PIK3AP1: variants seen among roughly 807,000 people sequenced by gnomAD.
PIK3AP1 encodes phosphoinositide-3-kinase adaptor protein 1.
A neutral mutation model predicts 88.1 loss-of-function variants in PIK3AP1; 21 were observed. The ratio of observed to expected loss-of-function variants is 0.24; its 90% confidence interval spans 0.17 to 0.34. PIK3AP1 has a LOEUF of 0.34. Among genes scored for constraint, PIK3AP1 ranks in the 10% least tolerant of loss-of-function variants. The probability of loss-of-function intolerance (pLI) is 1.00; values close to 1 mark genes in which losing one functional copy is unlikely to be tolerated. For synonymous variants in PIK3AP1, 398 were observed against 400.0 expected (o/e 1.00, Z 0.06); for missense variants, 828 against 1,035.7 (o/e 0.80, Z 2.75).
chr10:96,629,828 A>G (rs1843214874), intron 8 of PIK3AP1, among the ~76,000 whole-genome samples: 1 of 148,266 alleles, frequency 6.7e-6, no homozygotes, highest in South Asian at 2.2e-4. Context: ...AAGGAGGTCA[A>G]GGCAGCAATG....
chr10:96,658,690 C>T (rs2134241017), intron 2 of PIK3AP1, among the ~76,000 whole-genome samples: 2 of 152,250 alleles, frequency 1.3e-5, no homozygotes, highest in Admixed American at 1.3e-4. Context: ...GGCAATGAGG[C>T]ATGTACTCTT....
intron 2 of PIK3AP1, among the ~76,000 whole-genome samples, chr10:96,685,925 C>G (rs1844061655): frequency 6.6e-6 from 1 of 152,180 alleles, no homozygotes; most frequent in Admixed American, 6.5e-5. Flanking sequence ...AGACCCTGGA[C>G]AGCAGGGCCT....
At chr10:96,672,135 C>G (rs778557498) in intron 2 of PIK3AP1, among the ~76,000 whole-genome samples, 1 of 152,248 alleles carries the variant, frequency 6.6e-6, no homozygotes, top group African/African-American at 2.4e-5. Context: ...AATGAATCCA[C>G]TTCTTCCACA....
chr10:96,681,183 C>T (rs1843994639), intron 2 of PIK3AP1, among the ~76,000 whole-genome samples: 2 of 152,174 alleles, frequency 1.3e-5, no homozygotes, highest in Admixed American at 1.3e-4. Flanking sequence ...TCCGTGTGTG[C>T]ACACATCTGT....
intron 14 of PIK3AP1, among the ~76,000 whole-genome samples, chr10:96,606,369 G>A (rs1474410779): frequency 6.6e-6 from 1 of 152,122 alleles, no homozygotes; most frequent in Non-Finnish European, 1.5e-5. Flanking sequence ...ATTCCCTTAC[G>A]ATGAGCCATA....
intron 2 of PIK3AP1, among the ~76,000 whole-genome samples, chr10:96,703,587 T>G (rs1195719137): frequency 6.6e-6 from 1 of 152,194 alleles, no homozygotes. Context: ...TCCATTGAGA[T>G]TTGAAGCAAA....
Position 96,645,625 on chromosome 10 carries a change from T to C in PIK3AP1, c.1223A>G (p.Glu408Gly). The stretch of plus-strand genomic sequence containing the variant: ...ATCAGCCTCCTCCCCGTGCATCAGT[T>C]CCTCTTTAATGTGACTCTTGAGCAT... The part of the protein sequence containing the change: ...VDMLKSHIKE[E>G]LMHGEEADAV... The change falls in exon 8 of 17, where the codon GAA becomes GGA. Residue 408 changes from glutamate (E) to glycine (G), a missense_variant. This residue lies in a region of PIK3AP1 where 610 missense variants were observed against 760.1 expected (regional missense o/e 0.80). Transcript: ENST00000339364. 1 of 1,610,398 alleles carries C rather than the reference T, an allele frequency of 6.2e-7. No homozygotes were observed. Among genetic ancestry groups the C allele is most frequent in the Non-Finnish European group, 8.5e-7 (1 of 1,178,366 alleles).
intron 8 of PIK3AP1, among the ~76,000 whole-genome samples, chr10:96,638,309 T>C (rs972197584): frequency 6.6e-6 from 1 of 152,158 alleles, no homozygotes; most frequent in African/African-American, 2.4e-5. Context: ...CTTTCCACAA[T>C]GTTATGATGC....
intron 14 of PIK3AP1, among the ~76,000 whole-genome samples, chr10:96,606,339 C>G (rs965912891): frequency 1.3e-5 from 2 of 152,232 alleles, no homozygotes; most frequent in African/African-American, 4.8e-5. Flanking sequence ...CTCCCCATGC[C>G]ATTCCTCATT....
intron 2 of PIK3AP1, among the ~76,000 whole-genome samples, chr10:96,661,273 G>A (rs1843682362): frequency 6.6e-6 from 1 of 152,136 alleles, no homozygotes; most frequent in African/African-American, 2.4e-5. Context: ...ATCACTGATT[G>A]CCAGTGGTTA....
chr10:96,673,335 C>T (rs1481647117), intron 2 of PIK3AP1, among the ~76,000 whole-genome samples: 2 of 152,178 alleles, frequency 1.3e-5, no homozygotes, highest in Non-Finnish European at 2.9e-5. Flanking sequence ...GCTTCCTTGG[C>T]GGGGTTTATC....
intron 6 of PIK3AP1, among the ~76,000 whole-genome samples, chr10:96,649,932 G>T (rs919690941): frequency 2.6e-5 from 4 of 152,174 alleles, no homozygotes; most frequent in African/African-American, 9.7e-5. Flanking sequence ...CGGAGCTGGG[G>T]ACAAATCTCT....
intron 7 of PIK3AP1, among the ~76,000 whole-genome samples, chr10:96,647,750 G>A (rs1843479656): frequency 6.6e-6 from 1 of 152,208 alleles, no homozygotes; most frequent in Non-Finnish European, 1.5e-5. Flanking sequence ...GAGGTCGAGA[G>A]CAAGACCGGG....
intron 12 of PIK3AP1, 59 bp downstream of exon 12, chr10:96,620,293 C>A (rs562662887): frequency 6.4e-7 from 1 of 1,559,072 alleles, no homozygotes; most frequent in African/African-American, 1.4e-5. Flanking sequence ...TGGCCCAGCC[C>A]TCCTCTACTG....
chr10:96,612,578 A>G (rs1010497492), intron 13 of PIK3AP1, among the ~76,000 whole-genome samples: 6 of 152,074 alleles, frequency 3.9e-5, no homozygotes, highest in Non-Finnish European at 7.3e-5. Context: ...TATTTACTCA[A>G]CCATAAATGA....
chr10:96,680,635 G>T (rs1333028170), intron 2 of PIK3AP1, among the ~76,000 whole-genome samples: 1 of 152,150 alleles, frequency 6.6e-6, no homozygotes, highest in African/African-American at 2.4e-5. Flanking sequence ...CAAAGGACAT[G>T]ATCTCATTCT....
At chr10:96,625,270 A>G (rs948502265) in intron 10 of PIK3AP1, among the ~76,000 whole-genome samples, 1 of 152,160 alleles carries the variant, frequency 6.6e-6, no homozygotes, top group Non-Finnish European at 1.5e-5. Context: ...GAGGGCAGAG[A>G]AGGTGCCAGG....
At chr10:96,677,578 T>TACACAC (rs35018772) in intron 2 of PIK3AP1, among the ~76,000 whole-genome samples, 4,180 of 121,134 alleles carry the variant, frequency 0.035, 90 homozygotes, top group Middle Eastern at 0.074. Context: ...ACTAAGCACA[T>TACACAC]ACACACACAC....
At chr10:96,620,682 G>T (rs1264414126) in intron 11 of PIK3AP1, 125 bp from the exon 12 acceptor site, 3 of 741,858 alleles carry the variant, frequency 4.0e-6, no homozygotes, top group African/African-American at 3.5e-5. Flanking sequence ...ATTACATGTG[G>T]CCAAGAAGGG....
Sources: gnomAD v4.1 joint callset for allele counts (sites outside exome capture counted in the v4.1 genomes callset) on GRCh38, gnomAD v4.1.1 for gene constraint, gnomAD v4.1.1 regional missense constraint, MANE v1.5 for transcripts, NCBI Gene and HGNC (gene_info 2026-07-23, HGNC 2026-07-21) for gene names.